CHCHD6: variants seen among roughly 807,000 people sequenced by gnomAD.
CHCHD6 encodes the protein MICOS complex subunit MIC25.
In CHCHD6, 28 loss-of-function variants were observed where a neutral mutation model predicts 32.3. That is an observed-to-expected ratio of 0.87 (90% CI 0.64 to 1.19). The LOEUF is 1.19. Ranked by LOEUF, CHCHD6 falls within the 50% of genes most tolerant of loss-of-function variation. CHCHD6 has a pLI of 0.00. For missense variants in CHCHD6, 333 were observed against 307.0 expected (o/e 1.08, Z -0.63); for synonymous variants, 122 against 117.5 (o/e 1.04, Z -0.25).
intron 4 of CHCHD6, among the ~76,000 whole-genome samples, chr3:126,829,240 G>A (rs116773279): frequency 0.03 from 4,582 of 152,084 alleles, 98 homozygotes; most frequent in Non-Finnish European, 0.039. Flanking sequence ...TCTCCTTTCT[G>A]GGGAGTTCCC....
chr3:126,833,837 C>T (rs1053270735), intron 4 of CHCHD6, among the ~76,000 whole-genome samples: 6 of 151,802 alleles, frequency 4.0e-5, no homozygotes, highest in Non-Finnish European at 5.9e-5. Flanking sequence ...GGGCGGATCA[C>T]GAGGTCAGGA....
intron 4 of CHCHD6, among the ~76,000 whole-genome samples, chr3:126,778,600 T>C (rs1937768834): frequency 6.6e-6 from 1 of 152,274 alleles, no homozygotes; most frequent in African/African-American, 2.4e-5. Flanking sequence ...TGTCCATTTT[T>C]AATTGGATTA....
At chr3:126,834,094 T>C (rs1313067170) in intron 4 of CHCHD6, among the ~76,000 whole-genome samples, 1 of 148,512 alleles carries the variant, frequency 6.7e-6, no homozygotes, top group Non-Finnish European at 1.5e-5. Flanking sequence ...ACCAATAACG[T>C]TACTTAATTA....
At chr3:126,897,175 C>T (rs2077852869) in intron 5 of CHCHD6, among the ~76,000 whole-genome samples, 1 of 152,172 alleles carries the variant, frequency 6.6e-6, no homozygotes, top group African/African-American at 2.4e-5. Flanking sequence ...GGCACACACT[C>T]CCCAGGGTCC....
chr3:126,777,251 A>G (rs146894740), intron 4 of CHCHD6, among the ~76,000 whole-genome samples: 3 of 152,330 alleles, frequency 2.0e-5, no homozygotes, highest in Non-Finnish European at 4.4e-5. Context: ...TAAGGTAGAA[A>G]TCATACATGG....
At chr3:126,803,865 C>T (rs1250943788) in intron 4 of CHCHD6, among the ~76,000 whole-genome samples, 1 of 152,142 alleles carries the variant, frequency 6.6e-6, no homozygotes, top group African/African-American at 2.4e-5. Context: ...CAAACTGTCT[C>T]TCAGACCACA....
intron 4 of CHCHD6, among the ~76,000 whole-genome samples, chr3:126,799,542 T>C (rs542567267): frequency 1.1e-4 from 16 of 152,322 alleles, no homozygotes; most frequent in Admixed American, 5.9e-4. Context: ...CAGGTGGTCT[T>C]TGTGTCAGGG....
chr3:126,711,761 G>A, intron 1 of CHCHD6, among the ~76,000 whole-genome samples: 1 of 152,250 alleles, frequency 6.6e-6, no homozygotes, highest in Non-Finnish European at 1.5e-5. Context: ...CTGTTTGGAT[G>A]AGTGCAGTTT....
chr3:126,793,633 CATT>C (rs1447742241), intron 4 of CHCHD6, among the ~76,000 whole-genome samples: 1 of 152,156 alleles, frequency 6.6e-6, no homozygotes, highest in Non-Finnish European at 1.5e-5. Context: ...TCAAGAGAGG[CATT>C]GTTGTATTTA....
At chr3:126,715,565 G>C (rs1176822287) in intron 1 of CHCHD6, among the ~76,000 whole-genome samples, 1 of 152,120 alleles carries the variant, frequency 6.6e-6, no homozygotes, top group African/African-American at 2.4e-5. Context: ...CATCTTTCTA[G>C]AGAGGTAGCC....
chr3:126,865,463 C>T (rs554369285), intron 5 of CHCHD6: 46 of 601,534 alleles, frequency 7.6e-5, no homozygotes, highest in Non-Finnish European at 9.4e-5. Context: ...TTTCCAGTGC[C>T]TACACTTTCA....
At chr3:126,730,246 G>A (rs1165450243) in intron 2 of CHCHD6, among the ~76,000 whole-genome samples, 1 of 152,168 alleles carries the variant, frequency 6.6e-6, no homozygotes, top group Admixed American at 6.5e-5. Flanking sequence ...CTGTGCTTAG[G>A]AGATGACCTG....
At chr3:126,910,274 A>AAAAAAAAAAAAAC (rs34699390) in intron 5 of CHCHD6, among the ~76,000 whole-genome samples, 22 of 30,174 alleles carry the variant, frequency 7.3e-4, no homozygotes, top group East Asian at 7.5e-3. Context: ...CTGCCTCAGG[A>AAAAAAAAAAAAAC]AAAAAAAAAA....
rs1157978986 is a variant in CHCHD6 at position 126,919,428 on chromosome 3, C to T, written c.566+4678C>T. ...GCCTGGGCTCAAGAGATTCTCCCAC[C>T]TCAGCCTCTTGAGTAGCTAGAACCA... is the stretch of plus-strand genomic sequence containing the variant. On this transcript the variant is annotated intron_variant, in intron 6 of 7. Transcript: ENST00000290913. 3.3e-5 allele frequency among the ~76,000 whole-genome samples: 5 copies of T among 151,698 alleles called. No homozygotes were observed. In the East Asian group the frequency reaches 9.6e-4, roughly 29 times the overall value.
chr3:126,884,931 G>A (rs1233771025), intron 5 of CHCHD6, among the ~76,000 whole-genome samples: 7 of 152,184 alleles, frequency 4.6e-5, no homozygotes, highest in Non-Finnish European at 7.4e-5. Context: ...CATTTGTGCC[G>A]GTGGAGGTTC....
chr3:126,932,361 CTA>C (rs1224729174), intron 6 of CHCHD6, among the ~76,000 whole-genome samples: 1 of 152,190 alleles, frequency 6.6e-6, no homozygotes, highest in East Asian at 1.9e-4. Flanking sequence ...TAAGTGATTG[CTA>C]TGAGTCCTGG....
At chr3:126,705,058 G>A (rs994051646) in intron 1 of CHCHD6, among the ~76,000 whole-genome samples, 2 of 152,178 alleles carry the variant, frequency 1.3e-5, no homozygotes, top group Non-Finnish European at 2.9e-5. Context: ...TGTTTTCCTG[G>A]AGGGTGCCGC....
chr3:126,732,165 G>A (rs1471386036), intron 3 of CHCHD6, among the ~76,000 whole-genome samples: 1 of 151,088 alleles, frequency 6.6e-6, no homozygotes, highest in African/African-American at 2.4e-5. Context: ...TTTAAAAATG[G>A]TAAAGTAATG....
At chr3:126,767,880 G>A (rs763179738) in intron 4 of CHCHD6, among the ~76,000 whole-genome samples, 5 of 152,150 alleles carry the variant, frequency 3.3e-5, no homozygotes, top group Admixed American at 6.5e-5. Flanking sequence ...AGTTTGCTTA[G>A]GATAATGGCC....
Sources: gnomAD v4.1 joint callset for allele counts (sites outside exome capture counted in the v4.1 genomes callset) on GRCh38, gnomAD v4.1.1 for gene constraint, MANE v1.5 for transcripts, NCBI Gene and HGNC (gene_info 2026-07-23, HGNC 2026-07-21) for gene names.